Variants in GABRA3 observed in about 807,000 individuals in gnomAD.
GABRA3 encodes gamma-aminobutyric acid receptor subunit alpha-3.
In GABRA3, 10 loss-of-function variants were observed where a neutral mutation model predicts 30.1. That is an observed-to-expected ratio of 0.33 (90% CI 0.20 to 0.56). GABRA3 has a LOEUF of 0.56. Ranked by LOEUF, GABRA3 falls within the 20% of genes least tolerant of loss-of-function variation. The pLI, the probability that GABRA3 is intolerant of heterozygous loss-of-function variation, is 0.89. For missense variants in GABRA3, 233 were observed against 392.0 expected (o/e 0.59, Z 3.42); for synonymous variants, 151 against 146.8 (o/e 1.03, Z -0.21).
intron 5 of GABRA3, among the ~76,000 whole-genome samples, chrX:152,243,938 T>G (rs764826733): frequency 7.1e-5 from 8 of 112,420 alleles, no homozygotes; most frequent in African/African-American, 2.6e-4. Context: ...GACAAATTAG[T>G]GACTTGGCTA....
intron 9 of GABRA3, among the ~76,000 whole-genome samples, chrX:152,182,571 T>C (rs1415553629): frequency 1.3e-3 from 96 of 76,731 alleles, no homozygotes; most frequent in African/African-American, 4.9e-3. Context: ...ATATACTATA[T>C]ATGCATATAT....
intron 5 of GABRA3, among the ~76,000 whole-genome samples, chrX:152,233,660 T>C (rs866870881): frequency 9.3e-6 from 1 of 107,770 alleles, no homozygotes; most frequent in Non-Finnish European, 1.9e-5. Flanking sequence ...GATCTAGAAC[T>C]AGAAATACCA....
Position 152,224,737 on chromosome X carries a change from CAGAG to C in GABRA3, c.634+22_634+25del, listed in dbSNP as rs55983378. 587 of 998,043 alleles carry C rather than the reference CAGAG, an allele frequency of 5.9e-4. 3 individuals are homozygous for C. In the South Asian group the frequency reaches 0.012, roughly 20 times the overall value. The allele number at this position is 998,043 out of a possible 1,213,427, so 82.2% of individuals were successfully genotyped here. ...TGGAAGATCAGGCAAAAAAAAAAGACAGAGAGAGAGAGAGAAAATACATACAGCT... is the reference window on the plus strand; with the variant it reads ...TGGAAGATCAGGCAAAAAAAAAAGACAGAGAGAGAGAAAATACATACAGCT... On this transcript the variant is annotated intron_variant, in intron 6 of 9. Transcript: ENST00000370314.
intron 2 of GABRA3, among the ~76,000 whole-genome samples, chrX:152,354,899 G>T (rs1448696122): frequency 8.9e-6 from 1 of 111,817 alleles, no homozygotes; most frequent in African/African-American, 3.2e-5. Context: ...TTGATGCATT[G>T]ATTCTTTAAT....
intron 4 of GABRA3, among the ~76,000 whole-genome samples, chrX:152,271,688 CT>C (rs750845868): frequency 1.2e-4 from 13 of 112,182 alleles, no homozygotes; most frequent in Admixed American, 9.4e-4. Context: ...TATCAGAGAC[CT>C]TTATGGCAGC....
At chrX:152,259,282 T>C (rs1459227182) in intron 4 of GABRA3, among the ~76,000 whole-genome samples, 1 of 111,385 alleles carries the variant, frequency 9.0e-6, no homozygotes, top group Admixed American at 9.5e-5. Flanking sequence ...TAAGTAAACA[T>C]GAACAGCAGT....
At chrX:152,383,562 A>C (rs1230205411) in intron 1 of GABRA3, among the ~76,000 whole-genome samples, 1 of 109,764 alleles carries the variant, frequency 9.1e-6, no homozygotes. Context: ...ACTAGAATGC[A>C]AAGATGGTTT....
intron 3 of GABRA3, among the ~76,000 whole-genome samples, chrX:152,298,516 T>A (rs1358943488): frequency 9.1e-6 from 1 of 109,889 alleles, no homozygotes; most frequent in Non-Finnish European, 1.9e-5. Flanking sequence ...AGAATGATGG[T>A]TTCCAGCTTC....
intron 3 of GABRA3, among the ~76,000 whole-genome samples, chrX:152,339,951 T>C (rs1940290909): frequency 8.9e-6 from 1 of 112,000 alleles, no homozygotes; most frequent in South Asian, 3.7e-4. Context: ...AGGGAGAAAT[T>C]TGCTCTTTTT....
intron 3 of GABRA3, among the ~76,000 whole-genome samples, chrX:152,345,316 G>T (rs896968425): frequency 1.8e-5 from 2 of 111,421 alleles, no homozygotes; most frequent in Non-Finnish European, 3.8e-5. Flanking sequence ...AAAATCATAC[G>T]TCAAACCATT....
intron 9 of GABRA3, among the ~76,000 whole-genome samples, chrX:152,178,669 T>C (rs1236423230): frequency 8.9e-6 from 1 of 112,058 alleles, no homozygotes; most frequent in African/African-American, 3.2e-5. Context: ...TTTTTAAATG[T>C]TGAGATTTGT....
chrX:152,376,962 T>C (rs1336318598), intron 1 of GABRA3, among the ~76,000 whole-genome samples: 1 of 111,721 alleles, frequency 9.0e-6, no homozygotes, highest in East Asian at 2.8e-4. Context: ...AGTTTGATTG[T>C]CAAGAATAAT....
At chrX:152,368,853 C>T (rs948384075) in intron 1 of GABRA3, among the ~76,000 whole-genome samples, 3 of 108,281 alleles carry the variant, frequency 2.8e-5, no homozygotes, top group Non-Finnish European at 5.8e-5. Flanking sequence ...CTACAGGCAC[C>T]GGCCACCACG....
chrX:152,414,103 G>A (rs1930145469), intron 1 of GABRA3, among the ~76,000 whole-genome samples: 1 of 111,522 alleles, frequency 9.0e-6, no homozygotes, highest in Admixed American at 9.5e-5. Context: ...CCTACCATAA[G>A]ACGTATCAAT....
Position 152,273,263 on chromosome X carries a change from G to A in GABRA3, c.330+11405C>T, listed in dbSNP as rs760014209. 3.6e-5 allele frequency among the ~76,000 whole-genome samples: 4 copies of A among 112,014 alleles called. No individual in the cohort carries two copies. The South Asian group carries it at 1.1e-3, about 32-fold the overall frequency. ...ATAGCACCTCATCTCAGTGAAAATG[G>A]CTTCTATCTGAAAGACAGGCAATTA... On this transcript the variant is annotated intron_variant, in intron 4 of 9. Coordinates refer to ENST00000370314, the MANE Select transcript of GABRA3 (RefSeq NM_000808.4).
At chrX:152,339,149 A>G (rs1298402787) in intron 3 of GABRA3, among the ~76,000 whole-genome samples, 3 of 111,430 alleles carry the variant, frequency 2.7e-5, no homozygotes, top group African/African-American at 9.8e-5. Flanking sequence ...ATATTAATAA[A>G]TAAACTCAAA....
intron 1 of GABRA3, among the ~76,000 whole-genome samples, chrX:152,381,216 G>T (rs1289672633): frequency 8.9e-6 from 1 of 111,943 alleles, no homozygotes; most frequent in Admixed American, 9.5e-5. Context: ...TTTTCTTTAT[G>T]AATTACCCAG....
At chrX:152,349,839 T>C (rs1940449628) in intron 2 of GABRA3, among the ~76,000 whole-genome samples, 2 of 69,243 alleles carry the variant, frequency 2.9e-5, no homozygotes, top group Non-Finnish European at 5.4e-5. Flanking sequence ...AGACTTAGAC[T>C]CCCACACATT....
chrX:152,428,089 T>TA (rs1421357124), intron 1 of GABRA3, among the ~76,000 whole-genome samples: 1 of 112,615 alleles, frequency 8.9e-6, no homozygotes, highest in African/African-American at 3.2e-5. Context: ...TGACGCCACT[T>TA]AGAGATTCAC....
Sources: allele counts gnomAD v4.1 joint callset (sites outside exome capture counted in the v4.1 genomes callset), GRCh38; gene constraint gnomAD v4.1.1; transcripts MANE v1.5; gene names NCBI Gene and HGNC (gene_info 2026-07-23, HGNC 2026-07-21).